Variants in AKAP13 observed in about 807,000 individuals in gnomAD.
AKAP13 encodes A-kinase anchor protein 13.
In AKAP13, 80 loss-of-function variants were observed where a neutral mutation model predicts 264.5. That is an observed-to-expected ratio of 0.30 (90% CI 0.25 to 0.36). The LOEUF is 0.36. Among genes scored for constraint, AKAP13 ranks in the 10% least tolerant of loss-of-function variants. AKAP13 has a pLI of 1.00. For synonymous variants in AKAP13, 1,380 were observed against 1,250.2 expected, an observed-to-expected ratio of 1.10 and a Z score of -2.19; for missense variants, 3,712 against 3,435.2, an observed-to-expected ratio of 1.08 and a Z score of -2.01.
chr15:85,653,085 GC>G (rs2082936809), intron 10 of AKAP13, among the ~76,000 whole-genome samples: 1 of 152,178 alleles, frequency 6.6e-6, no homozygotes, highest in South Asian at 2.1e-4. Context: ...ATGGAAAGTT[GC>G]CCCGTGAATA....
intron 1 of AKAP13, among the ~76,000 whole-genome samples, chr15:85,434,440 C>G (rs1018518558): frequency 6.6e-6 from 1 of 152,290 alleles, no homozygotes; most frequent in African/African-American, 2.4e-5. Flanking sequence ...ACAAAGCAGC[C>G]GGGAAGCTCG....
At chr15:85,487,314 C>T (rs958650578) in intron 2 of AKAP13, among the ~76,000 whole-genome samples, 8 of 152,124 alleles carry the variant, frequency 5.3e-5, no homozygotes, top group Non-Finnish European at 1.0e-4. Flanking sequence ...AAGTGGTGAG[C>T]GCAAACATCC....
At chr15:85,688,387 G>A (rs1275114062) in intron 16 of AKAP13, among the ~76,000 whole-genome samples, 1 of 152,032 alleles carries the variant, frequency 6.6e-6, no homozygotes, top group Non-Finnish European at 1.5e-5. Context: ...TGATCCAATT[G>A]TTTTATTAAT....
rs2086466848 is a variant in AKAP13 at position 85,708,853 on chromosome 15, T to C, written c.5532+767T>C. ...CTAGTGCCATGACCTCAACCTGGAA[T>C]GTGCATCAGAATCAACTCGAGGGCT... On this transcript the variant is annotated intron_variant, in intron 18 of 36. Coordinates refer to ENST00000394518, the MANE Select transcript of AKAP13 (RefSeq NM_007200.5). The surrounding 1 kb of genome is among the most constrained non-coding windows in gnomAD (Gnocchi z 4.3). Among the ~76,000 whole-genome samples, 1 of 152,156 alleles carries C rather than the reference T, an allele frequency of 6.6e-6. No homozygotes were observed. Among genetic ancestry groups the C allele is most frequent in the African/African-American group, 2.4e-5 (1 of 41,438 alleles).
Position 85,581,824 on chromosome 15 carries a change from C to T in AKAP13, c.3756C>T (p.Ala1252=), listed in dbSNP as rs2079146436. Residue 1252 remains alanine, a synonymous_variant, in exon 7 of 37, where the codon GCC becomes GCT. Transcript: ENST00000394518. ...GGGCAGACTTGATAGAGGAGGCTGC[C>T]AGCCGTATAGTGGATGCTGTCATCG... ...PKGADLIEEA[A]SRIVDAVIEQ... 2 of 1,614,186 alleles carry T rather than the reference C, an allele frequency of 1.2e-6. No individual in the cohort carries two copies. The highest frequency in any genetic ancestry group is 1.7e-6 in the Non-Finnish European group (2 of 1,180,024).
intron 1 of AKAP13, among the ~76,000 whole-genome samples, chr15:85,459,352 A>ATTTTTTTTTTT (rs557848037): frequency 7.7e-6 from 1 of 130,672 alleles, no homozygotes; most frequent in Non-Finnish European, 1.6e-5. Context: ...CGCCCGGCTA[A>ATTTTTTTTTTT]TTTTTTTTTT....
intron 17 of AKAP13, among the ~76,000 whole-genome samples, chr15:85,700,775 C>T (rs1431712495): frequency 6.6e-6 from 1 of 152,082 alleles, no homozygotes; most frequent in African/African-American, 2.4e-5. Flanking sequence ...TTCCTTCCAT[C>T]TCTAATTAAT....
chr15:85,457,540 C>T (rs987739500), intron 1 of AKAP13, among the ~76,000 whole-genome samples: 1 of 152,132 alleles, frequency 6.6e-6, no homozygotes, highest in Non-Finnish European at 1.5e-5. Flanking sequence ...AGCTCAGCAC[C>T]CTTGGCGACT....
chr15:85,410,905 G>GT (rs2071928418), intron 1 of AKAP13, among the ~76,000 whole-genome samples: 1 of 149,820 alleles, frequency 6.7e-6, no homozygotes, highest in Admixed American at 6.6e-5. Flanking sequence ...TTAAGAAAAT[G>GT]TTCTGTCCCC....
intron 10 of AKAP13, among the ~76,000 whole-genome samples, chr15:85,653,495 CTTA>C: frequency 6.6e-6 from 1 of 152,272 alleles, no homozygotes. Flanking sequence ...AGAAAGCCTT[CTTA>C]TTAGCTTATG....
chr15:85,506,679 C>T (rs978829786), intron 2 of AKAP13, among the ~76,000 whole-genome samples: 2 of 152,154 alleles, frequency 1.3e-5, no homozygotes, highest in Non-Finnish European at 2.9e-5. Flanking sequence ...GATGACCTCA[C>T]TGCTAAGGGG....
chr15:85,675,596 TCAC>T (rs2084183007), intron 14 of AKAP13, among the ~76,000 whole-genome samples: 2 of 152,316 alleles, frequency 1.3e-5, no homozygotes, highest in Non-Finnish European at 2.9e-5. Flanking sequence ...GTTCCTTTCC[TCAC>T]CACATTTACA....
intron 1 of AKAP13, among the ~76,000 whole-genome samples, chr15:85,398,612 G>T (rs909344749): frequency 6.6e-6 from 1 of 152,164 alleles, no homozygotes; most frequent in African/African-American, 2.4e-5. Context: ...CCAGAGTGCA[G>T]TGGCGCAATC....
chr15:85,496,786 C>G (rs947932588), intron 2 of AKAP13, among the ~76,000 whole-genome samples: 1 of 152,190 alleles, frequency 6.6e-6, no homozygotes, highest in African/African-American at 2.4e-5. Context: ...TAGGTCTGCT[C>G]CAGCATCTGT....
intron 5 of AKAP13, among the ~76,000 whole-genome samples, chr15:85,571,342 T>G (rs2078812280): frequency 6.6e-6 from 1 of 152,218 alleles, no homozygotes; most frequent in Admixed American, 6.5e-5. Context: ...TTTATTTCAG[T>G]TATTTTTAAT....
intron 1 of AKAP13, among the ~76,000 whole-genome samples, chr15:85,399,518 A>AATT (rs1567038614): frequency 1.6e-5 from 2 of 126,956 alleles, no homozygotes; most frequent in Non-Finnish European, 3.3e-5. Context: ...AAAAAAAAAA[A>AATT]AAAATAAAAA....
chr15:85,423,675 C>T (rs971010219), intron 1 of AKAP13, among the ~76,000 whole-genome samples: 1 of 152,158 alleles, frequency 6.6e-6, no homozygotes, highest in Non-Finnish European at 1.5e-5. Flanking sequence ...TGATGTTCTC[C>T]CCTGAATTGT....
chr15:85,728,160 G>C (rs939427931), intron 29 of AKAP13, among the ~76,000 whole-genome samples: 10 of 152,212 alleles, frequency 6.6e-5, no homozygotes, highest in African/African-American at 1.9e-4. Flanking sequence ...GGCTAAGCCA[G>C]AATTCTATTC....
intron 2 of AKAP13, among the ~76,000 whole-genome samples, chr15:85,501,847 G>T (rs1417050736): frequency 6.6e-6 from 1 of 151,914 alleles, no homozygotes; most frequent in Non-Finnish European, 1.5e-5. Context: ...GGAAGAAGCG[G>T]GCTATTGCCT....
Sources: gnomAD v4.1 joint callset for allele counts (sites outside exome capture counted in the v4.1 genomes callset) on GRCh38, gnomAD v4.1.1 for gene constraint, Gnocchi (gnomAD v3.1) non-coding constraint, MANE v1.5 for transcripts, NCBI Gene and HGNC (gene_info 2026-07-23, HGNC 2026-07-21) for gene names.